The following PTPRD variants were observed in gnomAD, a reference collection of about 807,000 sequenced individuals.
PTPRD encodes the protein receptor-type tyrosine-protein phosphatase delta.
In PTPRD, 34 loss-of-function variants were observed where a neutral mutation model predicts 214.5. The ratio of observed to expected loss-of-function variants is 0.16; its 90% CI spans 0.12 to 0.21. PTPRD has a LOEUF of 0.21. Among genes scored for constraint, PTPRD ranks in the 10% least tolerant of loss-of-function variants. The probability of loss-of-function intolerance (pLI) is 1.00; values close to 1 mark genes in which losing one functional copy is unlikely to be tolerated. For synonymous variants in PTPRD, 1,128 were observed against 845.7 expected (o/e 1.33, Z -5.79); for missense variants, 2,545 against 2,398.7 (o/e 1.06, Z -1.27).
chr9:9,701,565 A>AT (rs1397233031), intron 7 of PTPRD, among the ~76,000 whole-genome samples: 1 of 152,216 alleles, frequency 6.6e-6, no homozygotes, highest in African/African-American at 2.4e-5. Flanking sequence ...ACCATTTTGC[A>AT]TTTAGCAAGC....
At chr9:9,570,607 T>G (rs1261829389) in intron 8 of PTPRD, among the ~76,000 whole-genome samples, 2 of 151,614 alleles carry the variant, frequency 1.3e-5, no homozygotes, top group Admixed American at 1.3e-4. Flanking sequence ...GAAGTATTAG[T>G]GCTACTTAAA....
chr9:9,484,209 C>CA (rs34170734), intron 8 of PTPRD, among the ~76,000 whole-genome samples: 5,038 of 147,242 alleles, frequency 0.034, 116 homozygotes, highest in Non-Finnish European at 0.05. Context: ...TACTATACAG[C>CA]AAAAAAAAAA....
chr9:8,700,301 A>T (rs973349151), intron 12 of PTPRD, among the ~76,000 whole-genome samples: 5 of 152,252 alleles, frequency 3.3e-5, no homozygotes, highest in African/African-American at 9.6e-5. Context: ...AAACCCTCGA[A>T]TTCCACTAAG....
At chr9:10,070,584 G>A (rs1239841680) in intron 3 of PTPRD, among the ~76,000 whole-genome samples, 7 of 151,928 alleles carry the variant, frequency 4.6e-5, no homozygotes, top group Non-Finnish European at 1.0e-4. Context: ...AATTAAAAGA[G>A]TCATTTATGG....
At chr9:8,964,788 T>C (rs567156757) in intron 11 of PTPRD, among the ~76,000 whole-genome samples, 1 of 152,284 alleles carries the variant, frequency 6.6e-6, no homozygotes, top group Admixed American at 6.5e-5. Flanking sequence ...ATTTTATTTC[T>C]ACCTTGATTT....
chr9:8,799,754 A>C (rs1387426824), intron 11 of PTPRD, among the ~76,000 whole-genome samples: 1 of 152,058 alleles, frequency 6.6e-6, no homozygotes, highest in Non-Finnish European at 1.5e-5. Context: ...TTCTGTAATG[A>C]ATATCTGTCA....
intron 8 of PTPRD, among the ~76,000 whole-genome samples, chr9:9,566,320 AC>A (rs2084516196): frequency 6.6e-6 from 1 of 152,068 alleles, no homozygotes; most frequent in South Asian, 2.1e-4. Context: ...AAATTATAAT[AC>A]ACAACTATAA....
intron 2 of PTPRD, among the ~76,000 whole-genome samples, chr9:10,422,750 A>G (rs1251902239): frequency 2.0e-5 from 3 of 152,090 alleles, no homozygotes; most frequent in South Asian, 2.1e-4. Context: ...CAAAACCACA[A>G]TGAGATACTA....
chr9:9,858,598 G>GC (rs1392182391), intron 5 of PTPRD, among the ~76,000 whole-genome samples: 1 of 152,182 alleles, frequency 6.6e-6, no homozygotes, highest in Admixed American at 6.5e-5. Context: ...ACATGAAGCA[G>GC]CAGTTAGCCA....
rs554028102 is a variant in PTPRD at position 9,356,269 on chromosome 9, A to G, written c.-203+41180T>C. Among the ~76,000 whole-genome samples, 8 of 151,540 alleles carry G rather than the reference A, an allele frequency of 5.3e-5. No homozygotes were observed. In the East Asian group the frequency reaches 1.6e-3, roughly 30 times the overall value. ...AATAACAGCAAGTTTGTGTGGTTAT[A>G]GAAACAACCTAGTAGAAAGGAAAAA... On this transcript the variant is annotated intron_variant, in intron 9 of 45. Coordinates refer to ENST00000381196, the MANE Select transcript of PTPRD (RefSeq NM_002839.4).
chr9:9,432,088 T>G (rs11794871), intron 8 of PTPRD, among the ~76,000 whole-genome samples: 1 of 136,194 alleles, frequency 7.3e-6, no homozygotes, highest in Non-Finnish European at 1.6e-5. Context: ...ATAATAATAA[T>G]AAAAGAAACA....
intron 44 of PTPRD, among the ~76,000 whole-genome samples, chr9:8,320,660 A>G (rs1340561702): frequency 6.6e-6 from 1 of 152,128 alleles, no homozygotes; most frequent in Non-Finnish European, 1.5e-5. Context: ...ATCTTAAAAA[A>G]AAATGGTTAA....
intron 4 of PTPRD, among the ~76,000 whole-genome samples, chr9:9,981,865 CTT>C (rs1260509080): frequency 1.1e-4 from 17 of 152,206 alleles, no homozygotes; most frequent in Admixed American, 7.2e-4. Flanking sequence ...ATATCTGTCT[CTT>C]TCTTTTAGAA....
intron 5 of PTPRD, among the ~76,000 whole-genome samples, chr9:9,772,447 T>C (rs1435466145): frequency 1.3e-5 from 2 of 152,178 alleles, no homozygotes; most frequent in Admixed American, 1.3e-4. Context: ...GTAAATTTTA[T>C]CCTTAGTGTT....
At chr9:9,535,138 C>G (rs966654564) in intron 8 of PTPRD, among the ~76,000 whole-genome samples, 1 of 152,074 alleles carries the variant, frequency 6.6e-6, no homozygotes, top group Admixed American at 6.6e-5. Flanking sequence ...CACACTCTGC[C>G]TCGTGAACTT....
intron 2 of PTPRD, among the ~76,000 whole-genome samples, chr9:10,360,420 C>A (rs1031785573): frequency 6.6e-6 from 1 of 152,206 alleles, no homozygotes; most frequent in African/African-American, 2.4e-5. Context: ...CAGGGCATGT[C>A]ATTGTCTAGA....
intron 2 of PTPRD, among the ~76,000 whole-genome samples, chr9:10,496,496 A>T (rs1483749177): frequency 6.6e-6 from 1 of 151,970 alleles, no homozygotes; most frequent in Admixed American, 6.6e-5. Flanking sequence ...TTAATATTTT[A>T]AAAACCTGCT....
At chr9:10,576,485 C>G (rs1041880831) in intron 2 of PTPRD, among the ~76,000 whole-genome samples, 1 of 152,066 alleles carries the variant, frequency 6.6e-6, no homozygotes, top group Non-Finnish European at 1.5e-5. Context: ...ACGTAAAAGG[C>G]TGACTGTTAT....
chr9:8,757,223 A>G (rs917474044), intron 11 of PTPRD, among the ~76,000 whole-genome samples: 3 of 152,222 alleles, frequency 2.0e-5, no homozygotes, highest in Non-Finnish European at 2.9e-5. Context: ...AGACAAACAA[A>G]AAAAGGTCAA....
Sources: gnomAD v4.1 joint callset for allele counts (sites outside exome capture counted in the v4.1 genomes callset) on GRCh38, gnomAD v4.1.1 for gene constraint, MANE v1.5 for transcripts, NCBI Gene and HGNC (gene_info 2026-07-23, HGNC 2026-07-21) for gene names.